AKAP1: variants seen among roughly 807,000 people sequenced by gnomAD.
AKAP1 encodes A-kinase anchor protein 1, mitochondrial.
Under a neutral mutation model 79.8 loss-of-function variants are expected in AKAP1, and 32 were observed. The observed-to-expected ratio is 0.40, with a 90% CI of 0.30 to 0.54. AKAP1 has a LOEUF of 0.54. Ranked by LOEUF, AKAP1 falls within the 20% of genes least tolerant of loss-of-function variation. The pLI is 0.47. For synonymous variants in AKAP1, 416 were observed against 466.7 expected (o/e 0.89, Z 1.40); for missense variants, 961 against 1,138.9 (o/e 0.84, Z 2.25).
At chr17:57,099,571 G>A (rs895759664) in intron 1 of AKAP1, among the ~76,000 whole-genome samples, 1 of 152,144 alleles carries the variant, frequency 6.6e-6, no homozygotes, top group Non-Finnish European at 1.5e-5. Flanking sequence ...GCTTGGAAAT[G>A]TTGTAGAAAC....
chr17:57,114,751 A>C (rs1210582979), intron 6 of AKAP1, 115 bp downstream of exon 6: 2 of 1,183,002 alleles, frequency 1.7e-6, no homozygotes, highest in Non-Finnish European at 2.4e-6. Flanking sequence ...GCATCCTTCA[A>C]TTCTTGCCAT....
intron 1 of AKAP1, among the ~76,000 whole-genome samples, chr17:57,098,046 T>A (rs1027583907): frequency 6.6e-6 from 1 of 152,154 alleles, no homozygotes; most frequent in African/African-American, 2.4e-5. Context: ...GTCAGCTGAG[T>A]TGAGAGTGAG....
rs573616960 is a variant in AKAP1, at chr17:57,086,330, C to T, written c.-25+932C>T. The T allele has an allele frequency of 5.0e-4, 215 of 426,480 alleles. 1 individual carries two copies. Among genetic ancestry groups the T allele is most frequent in the African/African-American group, 3.8e-3 (186 of 48,432 alleles). 26.4% of individuals were successfully genotyped at this position (426,480 alleles called of 1,614,324 possible). On this transcript the variant is annotated intron_variant, in intron 1 of 10. Coordinates refer to ENST00000337714, the MANE Select transcript of AKAP1 (RefSeq NM_003488.4). This position sits in a 1 kb window ranked among gnomAD's most constrained non-coding sequence, Gnocchi z 5.1. ...CGAACGCGGGCTTTCTGGCGTTCAA[C>T]TCTTTTGTGCCCTAGCTGAAGGTCT... is the stretch of plus-strand genomic sequence containing the variant.
chr17:57,110,221 A>C lies in AKAP1; in HGVS notation c.1848+63A>C. 10 of 1,589,090 alleles carry C rather than the reference A, an allele frequency of 6.3e-6. No homozygotes were observed. The South Asian group carries it at 1.1e-4, about 18-fold the overall frequency. On this transcript the variant is annotated intron_variant, in intron 3 of 10. Transcript: ENST00000337714. ...CCCAAAGCTCCCTGGGGCCAGGGCC[A>C]TTAGACCTCAGGGAGGGAGGGGGCT...
At position 57,121,098 on chromosome 17, in the gene AKAP1, G is replaced by T. The variant is rs1567921072; in HGVS notation, c.*774G>T. On this transcript the variant is annotated 3_prime_UTR_variant, in exon 11 of 11. Transcript: ENST00000337714. ...TCACCTGTAGGTAGAAGTAAACTCT[G>T]CAGTGCAGCTTCTGCTCTTGGCCCC... 2 of 152,494 alleles carry T rather than the reference G, an allele frequency of 1.3e-5. No individual in the cohort carries two copies. Among genetic ancestry groups the T allele is most frequent in the Non-Finnish European group, 2.9e-5 (2 of 68,074 alleles). 9.4% of individuals were successfully genotyped at this position (152,494 alleles called of 1,614,324 possible).
At chr17:57,099,934 C>G (rs1219272040) in intron 1 of AKAP1, among the ~76,000 whole-genome samples, 1 of 152,100 alleles carries the variant, frequency 6.6e-6, no homozygotes, top group African/African-American at 2.4e-5. Context: ...GTATAGCCCC[C>G]TTATGGGATC....
At chr17:57,116,775 C>A in intron 7 of AKAP1, 85 bp from the exon 8 acceptor site, 2 of 1,285,444 alleles carry the variant, frequency 1.6e-6, no homozygotes, top group Non-Finnish European at 1.1e-6. Context: ...AGGTTATGGG[C>A]GTCACTGTAC....
intron 1 of AKAP1, among the ~76,000 whole-genome samples, chr17:57,100,447 G>GCACACA (rs769056309): frequency 1.5e-4 from 11 of 75,354 alleles, no homozygotes; most frequent in Admixed American, 1.4e-3. Context: ...ACACACACAC[G>GCACACA]CACACACACA....
At chr17:57,085,497 C>G (rs1441414837) in intron 1 of AKAP1, 99 bp downstream of exon 1, 4 of 152,262 alleles carry the variant, frequency 2.6e-5, no homozygotes, top group African/African-American at 9.6e-5. Context: ...CAGGGTGCGA[C>G]GCGCCCTCCA....
chr17:57,089,752 C>T (rs1433304418), intron 1 of AKAP1, among the ~76,000 whole-genome samples: 4 of 152,168 alleles, frequency 2.6e-5, no homozygotes, highest in Admixed American at 6.5e-5. Context: ...CCATGGCATA[C>T]TACAAGTGAG....
chr17:57,104,041 C>G (rs1567904507), intron 1 of AKAP1, among the ~76,000 whole-genome samples: 1 of 151,708 alleles, frequency 6.6e-6, no homozygotes, highest in Non-Finnish European at 1.5e-5. Flanking sequence ...TCACTGCAAC[C>G]TCCACCCCCC....
chr17:57,103,142 G>T (rs117123171), intron 1 of AKAP1, among the ~76,000 whole-genome samples: 5,458 of 152,304 alleles, frequency 0.036, 129 homozygotes, highest in Non-Finnish European at 0.053. Context: ...TCTTCCCTGA[G>T]GAATTGATGT....
At chr17:57,089,323 A>G (rs1307135071) in intron 1 of AKAP1, among the ~76,000 whole-genome samples, 1 of 152,188 alleles carries the variant, frequency 6.6e-6, no homozygotes, top group Non-Finnish European at 1.5e-5. Flanking sequence ...TCTTAGCTCT[A>G]AGGTGTGCTA....
chr17:57,096,782 A>T lies in AKAP1; in HGVS notation c.-24-8659A>T, dbSNP rs577339437. ...CAGCAAGGTAGGTGTTGGCGGCTGC[A>T]GCATGTATCCAGCCCTCCTGTTCAT... On this transcript the variant is annotated intron_variant, in intron 1 of 10. Transcript: ENST00000337714. 3 of 152,478 alleles carry T rather than the reference A, an allele frequency of 2.0e-5. No homozygotes were observed. The South Asian group carries it at 6.2e-4, about 32-fold the overall frequency. 9.4% of individuals were successfully genotyped at this position (152,478 alleles called of 1,614,324 possible).
chr17:57,116,376 C>A, intron 7 of AKAP1, 115 bp downstream of exon 7: 1 of 1,342,524 alleles, frequency 7.4e-7, no homozygotes, highest in Non-Finnish European at 1.0e-6. Context: ...TTCCCTCCTG[C>A]TGCCTACTGT....
In AKAP1 at chr17:57,106,811, C is replaced by T. The variant is rs1262260248; in HGVS notation, c.1347C>T (p.Asp449=). ...GCCTTCTGTCCAGCCCCACCAAGGA[C>T]AGTAAGCCAAATATCTCTGCACACC... is the stretch of plus-strand genomic sequence containing the variant. ...LKSLLSSPTK[D]SKPNISAHHI... is the part of the protein sequence containing the mutation. The change falls in exon 2 of 11, where the codon GAC becomes GAT. Residue 449 remains aspartate (D), a synonymous_variant. Transcript: ENST00000337714. The T allele has an allele frequency of 6.2e-7, 1 of 1,614,148 alleles. No homozygotes were observed. The highest frequency in any genetic ancestry group is 1.7e-5 in the Admixed American group (1 of 60,028).
In AKAP1 at chr17:57,105,890, G is replaced by A. The variant is rs138837384; in HGVS notation, c.426G>A (p.Ser142=). Residue 142 remains serine, a synonymous_variant, in exon 2 of 11, where the codon TCG becomes TCA. Coordinates refer to ENST00000337714, the MANE Select transcript of AKAP1 (RefSeq NM_003488.4). ...ELALTGGEAK[S]IPLECPLSSP... is the part of the protein sequence containing the mutation. ...CCCTGACAGGTGGTGAAGCCAAATC[G>A]ATTCCTCTAGAGTGCCCCCTTTCAT... 998 of 1,614,202 alleles carry A rather than the reference G, an allele frequency of 6.2e-4. 3 individuals carry two copies. Among genetic ancestry groups the A allele is most frequent in the African/African-American group, 5.0e-3 (376 of 75,058 alleles).
intron 1 of AKAP1, among the ~76,000 whole-genome samples, chr17:57,103,535 A>G (rs1241312706): frequency 6.6e-6 from 1 of 152,214 alleles, no homozygotes; most frequent in Non-Finnish European, 1.5e-5. Context: ...CTCTCAGGGA[A>G]CTTTTAAAAG....
chr17:57,091,624 C>A (rs747342213), intron 1 of AKAP1, among the ~76,000 whole-genome samples: 1 of 152,010 alleles, frequency 6.6e-6, no homozygotes, highest in Non-Finnish European at 1.5e-5. Context: ...GAGTGAGGAC[C>A]CCTTGTTGCC....
Sources: allele counts gnomAD v4.1 joint callset (sites outside exome capture counted in the v4.1 genomes callset), GRCh38; gene constraint gnomAD v4.1.1; non-coding constraint Gnocchi (gnomAD v3.1); transcripts MANE v1.5; gene names NCBI Gene and HGNC (gene_info 2026-07-23, HGNC 2026-07-21).